The following FHIT variants were observed in gnomAD, a reference collection of about 807,000 sequenced individuals.
FHIT encodes fragile histidine triad diadenosine triphosphatase, also known as bis(5'-adenosyl)-triphosphatase.
A neutral mutation model predicts 17.9 loss-of-function variants in FHIT; 19 were observed. That is an observed-to-expected ratio of 1.06 (90% CI 0.74 to 1.56). FHIT has a LOEUF of 1.56. Among genes scored for constraint, FHIT ranks in the 40% most tolerant of loss-of-function variants. The pLI, the probability that FHIT is intolerant of heterozygous loss-of-function variation, is 0.00. For missense variants in FHIT, 248 were observed against 189.2 expected (o/e 1.31, Z -1.82); for synonymous variants, 81 against 69.7 (o/e 1.16, Z -0.81).
chr3:60,205,421 C>G (rs962785169), intron 5 of FHIT, among the ~76,000 whole-genome samples: 1 of 152,164 alleles, frequency 6.6e-6, no homozygotes, highest in African/African-American at 2.4e-5. Context: ...AATTCTGCAT[C>G]TTGGCACAAG....
At chr3:61,053,982 G>C (rs917708994) in intron 2 of FHIT, among the ~76,000 whole-genome samples, 3 of 152,186 alleles carry the variant, frequency 2.0e-5, no homozygotes, top group African/African-American at 7.2e-5. Flanking sequence ...CGCTGGGAAA[G>C]GAGCAGCTGA....
At chr3:61,222,739 CG>C (rs1182971472) in intron 1 of FHIT, among the ~76,000 whole-genome samples, 4 of 152,046 alleles carry the variant, frequency 2.6e-5, no homozygotes, top group African/African-American at 9.7e-5. Context: ...TACTTCAGTC[CG>C]GCAACTCTGA....
chr3:59,843,617 C>T (rs1701609596), intron 8 of FHIT, among the ~76,000 whole-genome samples: 1 of 152,122 alleles, frequency 6.6e-6, no homozygotes, highest in Admixed American at 6.5e-5. Flanking sequence ...ACAAGTTTTT[C>T]ACTTCTTTGG....
intron 4 of FHIT, among the ~76,000 whole-genome samples, chr3:60,603,146 A>T (rs2038498665): frequency 1.3e-5 from 2 of 152,196 alleles, no homozygotes; most frequent in Non-Finnish European, 2.9e-5. Context: ...CTCCTAGTGA[A>T]TAACATCTAA....
chr3:60,262,503 C>T (rs111377778), intron 5 of FHIT, among the ~76,000 whole-genome samples: 122 of 152,054 alleles, frequency 8.0e-4, no homozygotes, highest in African/African-American at 2.7e-3. Context: ...AACTACCCTT[C>T]CCCAAATGAC....
At chr3:60,428,825 G>A (rs1248415977) in intron 5 of FHIT, among the ~76,000 whole-genome samples, 1 of 152,112 alleles carries the variant, frequency 6.6e-6, no homozygotes, top group Non-Finnish European at 1.5e-5. Context: ...TCTTACGGGA[G>A]AGAGGCAGAT....
At chr3:59,806,017 TA>T (rs1420331306) in intron 8 of FHIT, among the ~76,000 whole-genome samples, 19 of 152,072 alleles carry the variant, frequency 1.2e-4, no homozygotes, top group African/African-American at 4.6e-4. Flanking sequence ...CCGTCTCTGC[TA>T]AAAATACAAA....
At chr3:59,992,880 G>A (rs1010865526) in intron 7 of FHIT, among the ~76,000 whole-genome samples, 3 of 152,024 alleles carry the variant, frequency 2.0e-5, no homozygotes, top group African/African-American at 7.2e-5. Context: ...AAATGCTTCT[G>A]GCTACAATGA....
intron 3 of FHIT, among the ~76,000 whole-genome samples, chr3:60,942,881 A>C (rs1553774898): frequency 6.6e-6 from 1 of 152,210 alleles, no homozygotes; most frequent in African/African-American, 2.4e-5. Flanking sequence ...CACAAGACTT[A>C]AAGTATGTAC....
intron 5 of FHIT, among the ~76,000 whole-genome samples, chr3:60,304,985 A>T (rs1384055608): frequency 6.6e-6 from 1 of 152,154 alleles, no homozygotes; most frequent in Non-Finnish European, 1.5e-5. Context: ...ATTGAGAAGG[A>T]TACAGACATT....
At chr3:60,910,741 G>A (rs1706700939) in intron 3 of FHIT, among the ~76,000 whole-genome samples, 1 of 151,994 alleles carries the variant, frequency 6.6e-6, no homozygotes, top group South Asian at 2.1e-4. Context: ...GTGTTCATAT[G>A]GTCATTTATA....
At chr3:60,926,433 G>C (rs1421552471) in intron 3 of FHIT, among the ~76,000 whole-genome samples, 2 of 152,202 alleles carry the variant, frequency 1.3e-5, no homozygotes, top group African/African-American at 4.8e-5. Flanking sequence ...CATGGAAACT[G>C]AACAACCTGC....
chr3:60,272,886 G>A (rs213343), intron 5 of FHIT, among the ~76,000 whole-genome samples: 1 of 152,070 alleles, frequency 6.6e-6, no homozygotes, highest in East Asian at 1.9e-4. Flanking sequence ...CAAGTGACTG[G>A]CAATGAGGGT....
At chr3:59,773,861 T>A (rs1362212504) in intron 8 of FHIT, among the ~76,000 whole-genome samples, 2 of 152,180 alleles carry the variant, frequency 1.3e-5, no homozygotes, top group African/African-American at 4.8e-5. Context: ...AAACGGCTTG[T>A]CTGAACTGAG....
intron 5 of FHIT, among the ~76,000 whole-genome samples, chr3:60,028,998 T>A (rs79994127): frequency 0.012 from 1,826 of 152,276 alleles, 43 homozygotes; most frequent in African/African-American, 0.042. Context: ...AGTTGCAGGA[T>A]AAGAAAAACA....
intron 4 of FHIT, among the ~76,000 whole-genome samples, chr3:60,616,033 T>G (rs2038941288): frequency 6.6e-6 from 1 of 152,208 alleles, no homozygotes; most frequent in African/African-American, 2.4e-5. Context: ...GATCTGTCTA[T>G]GAGTTATTAA....
Position 60,110,488 on chromosome 3 carries a change from G to C in FHIT, c.104-96336C>G, listed in dbSNP as rs1704623408. 2.0e-5 allele frequency among the ~76,000 whole-genome samples: 3 copies of C among 152,250 alleles called. No homozygotes were observed. The East Asian group carries it at 5.8e-4, about 29-fold the overall frequency. On this transcript the variant is annotated intron_variant, in intron 5 of 9. Coordinates refer to ENST00000492590, the MANE Select transcript of FHIT (RefSeq NM_002012.4). ...TAATGAATCCAAAGATCACCAAATAGACACCAGTTTATGGCTTAGTGATGT... is the reference window on the plus strand; with the variant it reads ...TAATGAATCCAAAGATCACCAAATACACACCAGTTTATGGCTTAGTGATGT...
chr3:60,247,486 T>G (rs77413532), intron 5 of FHIT, among the ~76,000 whole-genome samples: 5 of 152,156 alleles, frequency 3.3e-5, no homozygotes, highest in Non-Finnish European at 7.4e-5. Flanking sequence ...CACTTATACA[T>G]AGATACATAT....
chr3:60,569,753 A>ATTTTTTTTT (rs1200159409), intron 4 of FHIT, among the ~76,000 whole-genome samples: 36 of 57,212 alleles, frequency 6.3e-4, no homozygotes, highest in African/African-American at 2.2e-3. Flanking sequence ...ATATATATAT[A>ATTTTTTTTT]TATTTTTTTT....
Sources: gnomAD v4.1 joint callset for allele counts (sites outside exome capture counted in the v4.1 genomes callset) on GRCh38, gnomAD v4.1.1 for gene constraint, MANE v1.5 for transcripts, NCBI Gene and HGNC (gene_info 2026-07-23, HGNC 2026-07-21) for gene names.